Variants in VTA1 observed in about 807,000 individuals in gnomAD.
VTA1 encodes the protein vacuolar protein sorting-associated protein VTA1 homolog.
VTA1 carries 24 observed loss-of-function variants against 36.9 expected under a neutral mutation model. The ratio of observed to expected loss-of-function variants is 0.65; its 90% CI spans 0.47 to 0.91. The LOEUF (loss-of-function observed/expected upper bound fraction) is 0.91. Among genes scored for constraint, VTA1 ranks in the 40% least tolerant of loss-of-function variants. VTA1 has a pLI of 0.00. For missense variants in VTA1, 393 were observed against 377.2 expected (o/e 1.04, Z -0.35); for synonymous variants, 142 against 130.2 (o/e 1.09, Z -0.62).
intron 6 of VTA1, among the ~76,000 whole-genome samples, chr6:142,198,977 A>T (rs1383894508): frequency 6.6e-6 from 1 of 151,764 alleles, no homozygotes; most frequent in East Asian, 1.9e-4. Flanking sequence ...TGATATTAGG[A>T]TGTGTCAGTC....
chr6:142,180,268 T>C (rs1775202662), intron 4 of VTA1, among the ~76,000 whole-genome samples: 1 of 152,196 alleles, frequency 6.6e-6, no homozygotes, highest in South Asian at 2.1e-4. Context: ...AGGAGGAAAG[T>C]GTTATCATAA....
At chr6:142,179,219 A>G (rs775124103) in intron 4 of VTA1, among the ~76,000 whole-genome samples, 4 of 152,168 alleles carry the variant, frequency 2.6e-5, no homozygotes, top group Non-Finnish European at 5.9e-5. Flanking sequence ...GAGTGGCCAC[A>G]TAAATTGTTG....
chr6:142,189,676 C>G (rs1252882648), intron 5 of VTA1, 142 bp downstream of exon 5: 8 of 601,778 alleles, frequency 1.3e-5, no homozygotes. Flanking sequence ...AAATCATAAA[C>G]TTAGGGACAG....
chr6:142,188,177 A>C (rs1241716680), intron 4 of VTA1, among the ~76,000 whole-genome samples: 1 of 141,864 alleles, frequency 7.0e-6, no homozygotes, highest in Non-Finnish European at 1.5e-5. Context: ...CCAAAGTGCT[A>C]GGATTACAGG....
At chr6:142,181,094 A>AAT (rs1169535055) in intron 4 of VTA1, among the ~76,000 whole-genome samples, 559 of 36,346 alleles carry the variant, frequency 0.015, 15 homozygotes, top group African/African-American at 0.03. Context: ...AAAAAAAAAA[A>AAT]ATATATATAT....
At chr6:142,182,254 A>G (rs998109459) in intron 4 of VTA1, among the ~76,000 whole-genome samples, 3 of 152,230 alleles carry the variant, frequency 2.0e-5, no homozygotes, top group Non-Finnish European at 4.4e-5. Context: ...CTACAGTACA[A>G]GCTACCTATT....
chr6:142,194,278 C>G (rs1775505660), intron 5 of VTA1, among the ~76,000 whole-genome samples: 1 of 150,780 alleles, frequency 6.6e-6, no homozygotes, highest in South Asian at 2.1e-4. Context: ...CTTTGAGTTT[C>G]CACATAAATT....
At chr6:142,164,588 T>C (rs1358133391) in intron 1 of VTA1, among the ~76,000 whole-genome samples, 1 of 152,170 alleles carries the variant, frequency 6.6e-6, no homozygotes, top group Non-Finnish European at 1.5e-5. Context: ...TATATTAATT[T>C]TTAAAGAGAA....
chr6:142,152,657 CAA>C (rs1397639230), intron 1 of VTA1, among the ~76,000 whole-genome samples: 1 of 151,862 alleles, frequency 6.6e-6, no homozygotes, highest in African/African-American at 2.4e-5. Flanking sequence ...AGTTTAGTTT[CAA>C]AGATACAACT....
At chr6:142,175,465 A>G (rs1775103038) in intron 4 of VTA1, among the ~76,000 whole-genome samples, 1 of 152,020 alleles carries the variant, frequency 6.6e-6, no homozygotes, top group Non-Finnish European at 1.5e-5. Flanking sequence ...ATATTATTCT[A>G]GTCCTTACAT....
At chr6:142,209,340 T>C (rs1188314403) in intron 7 of VTA1, among the ~76,000 whole-genome samples, 1 of 151,638 alleles carries the variant, frequency 6.6e-6, no homozygotes, top group Middle Eastern at 3.2e-3. Context: ...ACTAAAGAAG[T>C]TAGTTATTAA....
chr6:142,166,769 A>G (rs1774924395), intron 2 of VTA1, among the ~76,000 whole-genome samples: 1 of 152,060 alleles, frequency 6.6e-6, no homozygotes, highest in South Asian at 2.1e-4. Flanking sequence ...CTACAGGCAC[A>G]CGCTAAACGC....
At chr6:142,162,458 G>A (rs1159455244) in intron 1 of VTA1, among the ~76,000 whole-genome samples, 1 of 152,096 alleles carries the variant, frequency 6.6e-6, no homozygotes. Context: ...TTATCATATT[G>A]GCCAGTGTAC....
Position 142,218,485 on chromosome 6 carries a change from C to A in VTA1, c.779-13C>A. On this transcript the variant is annotated splice_polypyrimidine_tract_variant and intron_variant, in intron 7 of 7. Coordinates refer to ENST00000367630, the MANE Select transcript of VTA1 (RefSeq NM_016485.5). ...TATTCTTATAAATATCCCAATTGTTCTTTTTCTTCTAGGGGATGTTCGTCT... is the reference window on the plus strand; with the variant it reads ...TATTCTTATAAATATCCCAATTGTTATTTTTCTTCTAGGGGATGTTCGTCT... The A allele has an allele frequency of 1.2e-6, 2 of 1,611,004 alleles. No homozygotes were observed. The highest frequency in any genetic ancestry group is 1.1e-5 in the South Asian group (1 of 90,404).
chr6:142,181,342 C>T (rs1775234853), intron 4 of VTA1, among the ~76,000 whole-genome samples: 1 of 148,112 alleles, frequency 6.8e-6, no homozygotes, highest in Non-Finnish European at 1.5e-5. Context: ...ACTGTGTTAG[C>T]CAGGATGGTC....
chr6:142,198,119 A>ATGTGTGTGTGTGTGTGTG (rs71021658), intron 5 of VTA1, among the ~76,000 whole-genome samples: 14 of 98,250 alleles, frequency 1.4e-4, no homozygotes, highest in East Asian at 5.2e-4. Context: ...ATATATATAT[A>ATGTGTGTGTGTGTGTGTG]TGTGTGTGTG....
At chr6:142,179,474 T>C (rs2114654668) in intron 4 of VTA1, among the ~76,000 whole-genome samples, 1 of 152,202 alleles carries the variant, frequency 6.6e-6, no homozygotes, top group South Asian at 2.1e-4. Context: ...AACCCTGATG[T>C]CCACCAACAG....
intron 5 of VTA1, among the ~76,000 whole-genome samples, chr6:142,194,486 T>G (rs576634824): frequency 6.6e-6 from 1 of 152,300 alleles, no homozygotes; most frequent in South Asian, 2.1e-4. Context: ...TTTGTTAAAT[T>G]TACTTCAAGT....
chr6:142,203,034 C>G (rs565703457), intron 6 of VTA1, among the ~76,000 whole-genome samples: 10 of 151,900 alleles, frequency 6.6e-5, no homozygotes, highest in Non-Finnish European at 1.3e-4. Context: ...GTCAAAACTT[C>G]TTACCAGAAG....
Sources: allele counts gnomAD v4.1 joint callset (sites outside exome capture counted in the v4.1 genomes callset), GRCh38; gene constraint gnomAD v4.1.1; transcripts MANE v1.5; gene names NCBI Gene and HGNC (gene_info 2026-07-23, HGNC 2026-07-21).